SYNE1: variants seen among roughly 807,000 people sequenced by gnomAD.
The protein encoded by SYNE1 is nesprin-1.
Under a neutral mutation model 1,111.0 loss-of-function variants are expected in SYNE1, and 616 were observed. The observed-to-expected ratio is 0.55, with a 90% confidence interval of 0.52 to 0.59. The LOEUF is 0.59. SYNE1 is among the 20% of genes least tolerant of loss of function. The pLI is 0.00. For missense variants in SYNE1, 10,006 were observed against 10,417.0 expected (o/e 0.96, Z 1.72); for synonymous variants, 3,855 against 3,825.8 (o/e 1.01, Z -0.28).
chr6:152,187,452 G>A (rs2070497553), intron 128 of SYNE1, among the ~76,000 whole-genome samples: 1 of 152,038 alleles, frequency 6.6e-6, no homozygotes, highest in Non-Finnish European at 1.5e-5. Context: ...AGATCCCAGG[G>A]CAGCACAATT....
At chr6:152,135,340 A>C in intron 141 of SYNE1, 108 bp from the exon 142 acceptor site, 1 of 1,271,220 alleles carries the variant, frequency 7.9e-7, no homozygotes, top group Non-Finnish European at 1.1e-6. Context: ...TTTTAAGAAC[A>C]TACATGCAAC....
At chr6:152,183,178 G>C (rs2068620004) in intron 128 of SYNE1, among the ~76,000 whole-genome samples, 1 of 152,184 alleles carries the variant, frequency 6.6e-6, no homozygotes, top group African/African-American at 2.4e-5. Context: ...CTCAGATTGA[G>C]AACTCTCTGG....
At chr6:152,273,750 T>C (rs2093387326) in intron 98 of SYNE1, among the ~76,000 whole-genome samples, 1 of 152,242 alleles carries the variant, frequency 6.6e-6, no homozygotes, top group Non-Finnish European at 1.5e-5. Flanking sequence ...TGTGTGATAA[T>C]AGCTAGAGCT....
chr6:152,291,458 C>T (rs770259118), intron 95 of SYNE1, among the ~76,000 whole-genome samples: 17 of 152,064 alleles, frequency 1.1e-4, no homozygotes, highest in Non-Finnish European at 1.8e-4. Context: ...GTCACAGATT[C>T]ACTTCTAATT....
chr6:152,361,414 G>A (rs575679638), intron 64 of SYNE1, among the ~76,000 whole-genome samples: 1 of 152,306 alleles, frequency 6.6e-6, no homozygotes, highest in South Asian at 2.1e-4. Flanking sequence ...GAAACAAGGT[G>A]AAAAATTAGG....
chr6:152,608,621 C>G (rs1312943904), intron 3 of SYNE1, among the ~76,000 whole-genome samples: 1 of 152,122 alleles, frequency 6.6e-6, no homozygotes, highest in African/African-American at 2.4e-5. Flanking sequence ...TCTTTAGGAA[C>G]CTCAGTTACT....
chr6:152,591,236 A>G (rs1438529802), intron 3 of SYNE1, among the ~76,000 whole-genome samples: 1 of 152,194 alleles, frequency 6.6e-6, no homozygotes, highest in African/African-American at 2.4e-5. Flanking sequence ...AGCCGGAGTT[A>G]TCACACTACC....
intron 140 of SYNE1, among the ~76,000 whole-genome samples, chr6:152,139,088 A>T (rs2057789731): frequency 6.6e-6 from 1 of 152,194 alleles, no homozygotes; most frequent in South Asian, 2.1e-4. Flanking sequence ...CTCCAGCTCT[A>T]GATATAGGCC....
chr6:152,632,545 G>T (rs2099699583), intron 2 of SYNE1, among the ~76,000 whole-genome samples: 2 of 152,206 alleles, frequency 1.3e-5, no homozygotes, highest in Non-Finnish European at 2.9e-5. Flanking sequence ...ATCCCAGCTA[G>T]TTGGGTGATT....
chr6:152,144,054 CT>C, intron 137 of SYNE1: 1 of 439,852 alleles, frequency 2.3e-6, no homozygotes, highest in East Asian at 5.0e-5. Flanking sequence ...AGCTGAACCC[CT>C]GATCATCTGA....
chr6:152,235,963 G>A (rs1477290794), intron 110 of SYNE1, 144 bp downstream of exon 110: 1 of 849,384 alleles, frequency 1.2e-6, no homozygotes, highest in African/African-American at 1.7e-5. Flanking sequence ...GGCTGGTCTT[G>A]AACTCCTGGC....
chr6:152,510,119 A>C, intron 8 of SYNE1, 74 bp downstream of exon 8: 1 of 1,430,432 alleles, frequency 7.0e-7, no homozygotes, highest in Admixed American at 1.7e-5. Flanking sequence ...TTTCGCAATC[A>C]TTAGAAGTTG....
At chr6:152,132,289 TC>T in intron 143 of SYNE1, 75 bp from the exon 144 acceptor site, 1 of 1,184,518 alleles carries the variant, frequency 8.4e-7, no homozygotes, top group Non-Finnish European at 1.3e-6. Context: ...CCACGTTATC[TC>T]CCACTCCATC....
chr6:152,357,492 T>G lies in SYNE1; in HGVS notation c.10608+881A>C, dbSNP rs114748504. On this transcript the variant is annotated intron_variant, in intron 66 of 145. Transcript: ENST00000367255. ...ATCACTGGTGGGACATAAAGTGGTCTCATTGGCCTTCCTCCATCTTCTGCT... is the reference window on the plus strand; with the variant it reads ...ATCACTGGTGGGACATAAAGTGGTCGCATTGGCCTTCCTCCATCTTCTGCT... Among the ~76,000 whole-genome samples, 513 of 152,330 alleles carry G rather than the reference T, an allele frequency of 3.4e-3. 3 individuals are homozygous for G. Among genetic ancestry groups the G allele is most frequent in the African/African-American group, 0.012 (491 of 41,578 alleles).
chr6:152,542,979 T>C (rs1428307075), intron 3 of SYNE1, among the ~76,000 whole-genome samples: 1 of 152,092 alleles, frequency 6.6e-6, no homozygotes, highest in Non-Finnish European at 1.5e-5. Context: ...TGTTTAAAAA[T>C]GTTAATATAA....
intron 3 of SYNE1, among the ~76,000 whole-genome samples, chr6:152,577,904 C>T (rs1223924017): frequency 1.3e-5 from 2 of 152,048 alleles, no homozygotes; most frequent in African/African-American, 4.8e-5. Context: ...TAGAAAGTAA[C>T]AACCAGAAGC....
rs1286347293 is a variant in SYNE1, at chr6:152,354,921, G to A, written c.10664C>T (p.Thr3555Ile). 1.2e-6 allele frequency: 2 copies of A among 1,613,972 alleles called. No individual in the cohort carries two copies. The highest frequency in any genetic ancestry group is 2.7e-5 in the African/African-American group (2 of 74,892). ...ACCTGATGGGATCACATCCTCTCTG[G>A]TGTGCAGCACTGAGTTCAACAGGGC... The part of the protein sequence containing the change: ...GQALLNSVLH[T>I]REDVIPSGIP... The change falls in exon 67 of 146, where the codon ACC (threonine) becomes ATC (isoleucine). Residue 3555 changes from threonine to isoleucine, a missense_variant. Physicochemically the swap from Thr to Ile is moderately conservative, Grantham distance 89. Around this residue, in one of 7 missense-constraint regions of SYNE1, gnomAD observed 4,955 missense variants for 5,017.2 expected, o/e 0.99. Coordinates refer to ENST00000367255, the MANE Select transcript of SYNE1 (RefSeq NM_182961.4).
chr6:152,582,031 C>G (rs1166117415), intron 3 of SYNE1, among the ~76,000 whole-genome samples: 2 of 152,106 alleles, frequency 1.3e-5, no homozygotes. Flanking sequence ...CCTCAACCTA[C>G]TTCCTAGTCA....
chr6:152,147,685 C>T (rs2252837), intron 137 of SYNE1: 94,738 of 288,244 alleles, frequency 0.33, 16,481 homozygotes, highest in Admixed American at 0.46. Context: ...CCGGCTTTGT[C>T]GCCCCTGCTT....
Sources: allele counts gnomAD v4.1 joint callset (sites outside exome capture counted in the v4.1 genomes callset), GRCh38; gene constraint gnomAD v4.1.1; regional missense constraint gnomAD v4.1.1; transcripts MANE v1.5; gene names NCBI Gene and HGNC (gene_info 2026-07-23, HGNC 2026-07-21).